Variants in SCNN1G observed in about 807,000 individuals in gnomAD.
The protein encoded by SCNN1G is sodium channel epithelial 1 subunit gamma, also known as epithelial sodium channel subunit gamma.
In SCNN1G, 27 loss-of-function variants were observed where a neutral mutation model predicts 64.6. The ratio of observed to expected loss-of-function variants is 0.42; its 90% CI spans 0.31 to 0.58. SCNN1G has a LOEUF of 0.58. Ranked by LOEUF, SCNN1G falls within the 20% of genes least tolerant of loss-of-function variation. The pLI, the probability that SCNN1G is intolerant of heterozygous loss-of-function variation, is 0.18. For synonymous variants in SCNN1G, 330 were observed against 314.2 expected, an observed-to-expected ratio of 1.05 and a Z score of -0.53; for missense variants, 743 against 823.4, an observed-to-expected ratio of 0.90 and a Z score of 1.19.
intron 6 of SCNN1G, among the ~76,000 whole-genome samples, chr16:23,206,136 A>C (rs1959986552): frequency 7.4e-6 from 1 of 134,860 alleles, no homozygotes; most frequent in African/African-American, 2.7e-5. Context: ...CAGAATTTGC[A>C]AACCTCTAAG....
rs879899383 is a variant in SCNN1G at position 23,196,156 on chromosome 16, G to A, written c.914-1108G>A. ...ACAGAGTGGCTGGGGTCAGGATGGG[G>A]GGGTTAGTTTGGATAAGAAGGCCCA... On this transcript the variant is annotated intron_variant, in intron 5 of 12. Coordinates refer to ENST00000300061, the MANE Select transcript of SCNN1G (RefSeq NM_001039.4). 2.6e-5 allele frequency: 4 copies of A among 152,388 alleles called. No individual in the cohort carries two copies. In the East Asian group the frequency reaches 7.7e-4, roughly 29 times the overall value. The allele number at this position is 152,388 out of a possible 1,614,324, so 9.4% of individuals were successfully genotyped here.
chr16:23,208,688 T>A (rs1960031884), intron 6 of SCNN1G, among the ~76,000 whole-genome samples: 1 of 149,710 alleles, frequency 6.7e-6, no homozygotes, highest in Admixed American at 6.7e-5. Context: ...TTCTTTTCTT[T>A]TTTCCTTCCT....
At chr16:23,209,975 A>G in intron 7 of SCNN1G, 127 bp downstream of exon 7, 4 of 729,006 alleles carry the variant, frequency 5.5e-6, no homozygotes, top group Non-Finnish European at 1.0e-5. Context: ...TCATCCAGAG[A>G]CCTCAAGAAC....
chr16:23,186,616 G>A, intron 2 of SCNN1G, 28 bp downstream of exon 2: 1 of 1,596,528 alleles, frequency 6.3e-7, no homozygotes, highest in Non-Finnish European at 8.5e-7. Flanking sequence ...GGAAACGCGA[G>A]TAGGGAGCCA....
chr16:23,214,823 GGCCTAC>G, intron 12 of SCNN1G, 36 bp downstream of exon 12: 1 of 1,545,306 alleles, frequency 6.5e-7, no homozygotes, highest in South Asian at 1.1e-5. Context: ...ACCTGTCCTG[GGCCTAC>G]AAATGTGAGC....
intron 3 of SCNN1G, among the ~76,000 whole-genome samples, chr16:23,191,285 C>T (rs748150409): frequency 1.9e-4 from 29 of 152,270 alleles, no homozygotes; most frequent in Non-Finnish European, 3.8e-4. Context: ...GGCTTGATTG[C>T]CAATTGTGTG....
intron 5 of SCNN1G, chr16:23,196,018 T>G (rs1959789632): frequency 6.6e-6 from 1 of 152,112 alleles, no homozygotes; most frequent in African/African-American, 2.4e-5. Context: ...GTTAGGAAAC[T>G]TACATTTTCG....
At chr16:23,193,678 A>G (rs1959748809) in intron 4 of SCNN1G, among the ~76,000 whole-genome samples, 2 of 151,992 alleles carry the variant, frequency 1.3e-5, no homozygotes, top group Admixed American at 1.3e-4. Flanking sequence ...AATACAATAA[A>G]ATAAAACACT....
intron 2 of SCNN1G, among the ~76,000 whole-genome samples, chr16:23,187,673 C>T (rs184397948): frequency 5.2e-4 from 79 of 152,304 alleles, no homozygotes; most frequent in Non-Finnish European, 7.5e-4. Flanking sequence ...CTGCCCCAAA[C>T]CCTCATCTGA....
chr16:23,197,511 GAAA>G, intron 6 of SCNN1G, 84 bp downstream of exon 6: 1 of 1,252,632 alleles, frequency 8.0e-7, no homozygotes, highest in Non-Finnish European at 1.2e-6. Context: ...GCAGCTTATG[GAAA>G]AGGGTGTTTG....
intron 6 of SCNN1G, among the ~76,000 whole-genome samples, chr16:23,202,275 G>C: frequency 6.7e-6 from 1 of 150,198 alleles, no homozygotes; most frequent in East Asian, 1.9e-4. Flanking sequence ...TGGATGGATG[G>C]ATGGATGGAT....
At position 23,197,295 on chromosome 16, in the gene SCNN1G, G is replaced by A. The variant is rs200984982; in HGVS notation, c.945G>A (p.Glu315=). The A allele has an allele frequency of 8.4e-5, 136 of 1,613,888 alleles. No individual in the cohort carries two copies. The highest frequency in any genetic ancestry group is 1.1e-4 in the Non-Finnish European group (126 of 1,179,940). The change falls in exon 6 of 13, where the codon GAG becomes GAA. Residue 315 remains glutamate (E), a synonymous_variant. Transcript: ENST00000300061. The stretch of plus-strand genomic sequence containing the variant: ...AAGTCATTTTGTACATAAACGAAGA[G>A]GAATACAACCCATTCCTCGTGTCCT... ...GLQVILYINE[E]EYNPFLVSST...
intron 1 of SCNN1G, among the ~76,000 whole-genome samples, chr16:23,185,307 G>A (rs1959588669): frequency 6.6e-6 from 1 of 152,192 alleles, no homozygotes; most frequent in Admixed American, 6.5e-5. Flanking sequence ...TTACTTATGA[G>A]ACTAATGAGA....
chr16:23,186,519 T>C lies in SCNN1G; in HGVS notation c.248T>C (p.Val83Ala). The C allele has an allele frequency of 6.2e-7, 1 of 1,613,990 alleles. No homozygotes were observed. The highest frequency in any genetic ancestry group is 8.5e-7 in the Non-Finnish European group (1 of 1,180,038). ...LLVFSFYTVS[V>A]SIKVHFRKLD... ...GTCTTCTCCTTCTATACTGTCTCAG[T>C]TTCCATCAAAGTCCACTTCCGGAAG... Residue 83 changes from valine to alanine, a missense_variant, in exon 2 of 13, where the codon GTT becomes GCT. Transcript: ENST00000300061.
chr16:23,201,259 A>G (rs1003797147), intron 6 of SCNN1G, among the ~76,000 whole-genome samples: 5 of 152,186 alleles, frequency 3.3e-5, no homozygotes, highest in African/African-American at 1.2e-4. Context: ...TCCTTCCCTT[A>G]TCCTTTCGCC....
At chr16:23,191,635 G>A (rs72646495) in intron 3 of SCNN1G, among the ~76,000 whole-genome samples, 8,938 of 151,924 alleles carry the variant, frequency 0.059, 345 homozygotes, top group Non-Finnish European at 0.074. Flanking sequence ...CGTGTTGCCC[G>A]GGCTGGTCTC....
At position 23,187,111 on chromosome 16, in the gene SCNN1G, T is replaced by C. The variant is rs558174826; in HGVS notation, c.317+523T>C. 3.4e-3 allele frequency among the ~76,000 whole-genome samples: 504 copies of C among 148,576 alleles called. 2 individuals carry two copies. Among genetic ancestry groups the C allele is most frequent in the African/African-American group, 8.9e-3 (359 of 40,526 alleles). On this transcript the variant is annotated intron_variant, in intron 2 of 12. Coordinates refer to ENST00000300061, the MANE Select transcript of SCNN1G (RefSeq NM_001039.4). ...GCCACAGTACCTGGCCTTTTCTTTT[T>C]TTTTTTTTTTTTTTGGAGGCAGGGT...
In SCNN1G at chr16:23,215,244, G is replaced by C. The variant is rs1178763713; in HGVS notation, c.1725G>C (p.Trp575Cys). 6.2e-7 allele frequency: 1 copy of C among 1,614,048 alleles called. No individual in the cohort carries two copies. The highest frequency in any genetic ancestry group is 8.5e-7 in the Non-Finnish European group (1 of 1,180,038). Residue 575 changes from tryptophan (W) to cysteine (C), a missense_variant, in exon 13 of 13, where the codon TGG becomes TGC. Physicochemically the swap from Trp to Cys is radical, Grantham distance 215. Transcript: ENST00000300061. ...AGAAAGCCAAGGAGTGGTGGGCCTGGAAACAGGCTCCCCCATGTCCAGAAG... is the reference window on the plus strand; with the variant it reads ...AGAAAGCCAAGGAGTGGTGGGCCTGCAAACAGGCTCCCCCATGTCCAGAAG... ...QWQKAKEWWA[W>C]KQAPPCPEAP... is the part of the protein sequence containing the mutation.
intron 6 of SCNN1G, 39 bp from the exon 7 acceptor site, chr16:23,209,711 G>C (rs377442672): frequency 6.7e-6 from 10 of 1,502,042 alleles, no homozygotes; most frequent in East Asian, 2.3e-5. Context: ...CTGGGTCCGG[G>C]GGGAGGACAG....
Sources: allele counts gnomAD v4.1 joint callset (sites outside exome capture counted in the v4.1 genomes callset), GRCh38; gene constraint gnomAD v4.1.1; transcripts MANE v1.5; gene names NCBI Gene and HGNC (gene_info 2026-07-23, HGNC 2026-07-21).